YWHAG: variants seen among roughly 807,000 people sequenced by gnomAD.
YWHAG encodes the protein tyrosine 3-monooxygenase/tryptophan 5-monooxygenase activation protein gamma, also known as 14-3-3 protein gamma.
In YWHAG, 1 loss-of-function variant was observed where a neutral mutation model predicts 23.3. That is an observed-to-expected ratio of 0.04 (90% CI 0.02 to 0.20). YWHAG has a LOEUF of 0.20. Ranked by LOEUF, YWHAG falls within the 10% of genes least tolerant of loss-of-function variation. The probability of loss-of-function intolerance (pLI) is 1.00; values close to 1 mark genes in which losing one functional copy is unlikely to be tolerated. For missense variants in YWHAG, 151 were observed against 338.6 expected (o/e 0.45, Z 4.35); for synonymous variants, 160 against 144.0 (o/e 1.11, Z -0.80).
chr7:76,347,237 A>C (rs1247909394), intron 1 of YWHAG, among the ~76,000 whole-genome samples: 8 of 152,194 alleles, frequency 5.3e-5, no homozygotes, highest in African/African-American at 1.9e-4. Context: ...AGGATTTTAG[A>C]TCAGTGCATT....
At chr7:76,349,589 A>T (rs1450196733) in intron 1 of YWHAG, among the ~76,000 whole-genome samples, 1 of 152,180 alleles carries the variant, frequency 6.6e-6, no homozygotes, top group Admixed American at 6.5e-5. Flanking sequence ...ACAGCTCCAA[A>T]TAATGTTGGT....
chr7:76,349,420 C>CAT (rs1803838989), intron 1 of YWHAG, among the ~76,000 whole-genome samples: 1 of 70,778 alleles, frequency 1.4e-5, no homozygotes, highest in Admixed American at 1.5e-4. Flanking sequence ...TTTATTAATA[C>CAT]ACACACACAC....
At chr7:76,354,072 AC>A (rs67833434) in intron 1 of YWHAG, among the ~76,000 whole-genome samples, 49,585 of 124,642 alleles carry the variant, frequency 0.4, 10,847 homozygotes, top group East Asian at 0.68. Flanking sequence ...AAAAAAAAAA[AC>A]AAAAAACAAG....
At chr7:76,355,150 G>A (rs1423110193) in intron 1 of YWHAG, among the ~76,000 whole-genome samples, 1 of 152,138 alleles carries the variant, frequency 6.6e-6, no homozygotes, top group Admixed American at 6.6e-5. Flanking sequence ...TGCACAACAC[G>A]GAATGTACCC....
chr7:76,336,900 TAGAAAC>T (rs1162990621), intron 1 of YWHAG, among the ~76,000 whole-genome samples: 3 of 151,882 alleles, frequency 2.0e-5, no homozygotes, highest in Admixed American at 6.6e-5. Context: ...GAGTGCTAAA[TAGAAAC>T]AGAAAGAATG....
chr7:76,352,026 G>T (rs1803883027), intron 1 of YWHAG, among the ~76,000 whole-genome samples: 1 of 152,122 alleles, frequency 6.6e-6, no homozygotes, highest in African/African-American at 2.4e-5. Context: ...TGAGTATGGG[G>T]TTATCCGCAT....
chr7:76,343,513 G>A (rs769838202), intron 1 of YWHAG, among the ~76,000 whole-genome samples: 34 of 152,164 alleles, frequency 2.2e-4, no homozygotes, highest in Non-Finnish European at 4.3e-4. Context: ...AGTCACTTCT[G>A]AAAGTGTGCT....
At chr7:76,351,144 C>T (rs1803866157) in intron 1 of YWHAG, among the ~76,000 whole-genome samples, 1 of 152,004 alleles carries the variant, frequency 6.6e-6, no homozygotes, top group Non-Finnish European at 1.5e-5. Context: ...TTGTCATTTC[C>T]CCCCGAAATT....
intron 1 of YWHAG, among the ~76,000 whole-genome samples, chr7:76,351,642 T>C (rs980742353): frequency 2.0e-5 from 3 of 152,166 alleles, no homozygotes; most frequent in African/African-American, 7.2e-5. Flanking sequence ...CCAACTCTAC[T>C]GTGAACTGCA....
chr7:76,337,858 A>C (rs903766406), intron 1 of YWHAG, among the ~76,000 whole-genome samples: 2 of 152,178 alleles, frequency 1.3e-5, no homozygotes, highest in African/African-American at 4.8e-5. Flanking sequence ...TGAGCTTTGC[A>C]TACTTCCCAG....
At chr7:76,354,077 A>C (rs1803914229) in intron 1 of YWHAG, among the ~76,000 whole-genome samples, 1 of 151,170 alleles carries the variant, frequency 6.6e-6, no homozygotes, top group African/African-American at 2.4e-5. Context: ...AAAAAACAAA[A>C]AACAAGCAAT....
In YWHAG at chr7:76,345,592, A is replaced by T. The variant is rs562420296; in HGVS notation, c.87+13130T>A. Among the ~76,000 whole-genome samples the T allele has an allele frequency of 7.2e-5, 11 of 152,052 alleles. No homozygotes were observed. The South Asian group carries it at 2.3e-3, about 32-fold the overall frequency. ...GGATTCCCACTGGTCATTCTATTAC[A>T]TTCTTCTATTGTCCCTCTCCTACTC... On this transcript the variant is annotated intron_variant, in intron 1 of 1. Coordinates refer to ENST00000307630, the MANE Select transcript of YWHAG (RefSeq NM_012479.4).
intron 1 of YWHAG, among the ~76,000 whole-genome samples, chr7:76,355,590 T>C (rs957634684): frequency 6.6e-6 from 1 of 152,092 alleles, no homozygotes; most frequent in Non-Finnish European, 1.5e-5. Flanking sequence ...AGAGGTACCA[T>C]TACTCCATTA....
At chr7:76,336,630 A>G (rs1803619968) in intron 1 of YWHAG, among the ~76,000 whole-genome samples, 1 of 151,332 alleles carries the variant, frequency 6.6e-6, no homozygotes. Context: ...AAATTTTTGT[A>G]TTTTTAGTAG....
chr7:76,336,534 C>A (rs1006032045), intron 1 of YWHAG, among the ~76,000 whole-genome samples: 1 of 149,562 alleles, frequency 6.7e-6, no homozygotes, highest in Admixed American at 6.7e-5. Flanking sequence ...AGGCTCACTG[C>A]ACCCTCTACT....
chr7:76,329,712 G>A lies in YWHAG; in HGVS notation c.609C>T (p.Asp203=), dbSNP rs78824969. The change falls in exon 2 of 2, where the codon GAC becomes GAT. Residue 203 remains aspartate, a synonymous_variant. Transcript: ENST00000307630. The surrounding 1 kb of genome is among the most constrained non-coding windows in gnomAD (Gnocchi z 6.1). ...ACHLAKTAFD[D]AIAELDTLNE... ...TGAGGGTGTCAAGCTCGGCGATGGC[G>A]TCGTCGAACGCGGTCTTGGCCAAGT... 807 of 1,614,234 alleles carry A rather than the reference G, an allele frequency of 5.0e-4. 7 individuals are homozygous for A. In the African/African-American group the frequency reaches 9.4e-3, roughly 19 times the overall value.
chr7:76,342,349 C>T (rs77350324), intron 1 of YWHAG, among the ~76,000 whole-genome samples: 1 of 152,094 alleles, frequency 6.6e-6, no homozygotes, highest in African/African-American at 2.4e-5. Flanking sequence ...ATAATCCACA[C>T]CTTCCTCCCC....
intron 1 of YWHAG, among the ~76,000 whole-genome samples, chr7:76,349,815 G>A (rs1803847619): frequency 6.6e-6 from 1 of 152,160 alleles, no homozygotes; most frequent in Non-Finnish European, 1.5e-5. Flanking sequence ...CTAACATGGT[G>A]AAACCTGGTC....
intron 1 of YWHAG, among the ~76,000 whole-genome samples, chr7:76,354,335 AC>A (rs1445932059): frequency 2.6e-5 from 4 of 151,972 alleles, no homozygotes; most frequent in Non-Finnish European, 4.4e-5. Context: ...ACATGGTGAA[AC>A]CCTGTCTCTA....
Sources: gnomAD v4.1 joint callset for allele counts (sites outside exome capture counted in the v4.1 genomes callset) on GRCh38, gnomAD v4.1.1 for gene constraint, Gnocchi (gnomAD v3.1) non-coding constraint, MANE v1.5 for transcripts, NCBI Gene and HGNC (gene_info 2026-07-23, HGNC 2026-07-21) for gene names.